Variants in ACBD6 observed in about 807,000 individuals in gnomAD.
ACBD6 encodes the protein acyl-CoA-binding domain-containing protein 6.
In ACBD6, 28 loss-of-function variants were observed where a neutral mutation model predicts 37.2. The observed-to-expected ratio is 0.75, with a 90% CI of 0.56 to 1.03. ACBD6 has a LOEUF of 1.03. Ranked by LOEUF, ACBD6 falls within the 50% of genes least tolerant of loss-of-function variation. ACBD6 has a pLI of 0.00. For synonymous variants in ACBD6, 113 were observed against 126.8 expected, an observed-to-expected ratio of 0.89 and a Z score of 0.73; for missense variants, 340 against 337.4, an observed-to-expected ratio of 1.01 and a Z score of -0.06.
At chr1:180,387,002 T>C (rs146977010) in intron 6 of ACBD6, among the ~76,000 whole-genome samples, 17 of 152,332 alleles carry the variant, frequency 1.1e-4, no homozygotes, top group African/African-American at 3.8e-4. Flanking sequence ...CTGTATTCTA[T>C]TTAAATCTTC....
In ACBD6 at chr1:180,271,668, C is replaced by T. The variant is rs954557223; in HGVS notation, c.*1557G>A. 4 of 1,350,230 alleles carry T rather than the reference C, an allele frequency of 3.0e-6. No individual in the cohort carries two copies. The African/African-American group carries it at 4.3e-5, about 15-fold the overall frequency. 83.6% of individuals were successfully genotyped at this position (1,350,230 alleles called of 1,614,324 possible). On this transcript the variant is annotated 3_prime_UTR_variant, in exon 14 of 14. Coordinates refer to the ACBD6 transcript ENST00000642319. ...CCAGGGCTTTTGCCAGAACTGAAGACAGAGTTCTGAGGCCCACCTGGGGAG... is the reference window on the plus strand; with the variant it reads ...CCAGGGCTTTTGCCAGAACTGAAGATAGAGTTCTGAGGCCCACCTGGGGAG...
Position 180,288,438 on chromosome 1 carries a change from G to C in ACBD6, c.774C>G (p.Gly258=). ...AGCCTGTCACCTCCTCTGGCAGGCA[G>C]CCATCCTGGTCTCGGAGAGTGGGGT... ...GADPTLRDQD[G]CLPEEVTGCK... is the part of the protein sequence containing the mutation. Residue 258 remains glycine (G), a synonymous_variant, in exon 8 of 8, where the codon GGC becomes GGG. Coordinates refer to ENST00000367595, the MANE Select transcript of ACBD6 (RefSeq NM_032360.4). 1 of 1,613,786 alleles carries C rather than the reference G, an allele frequency of 6.2e-7. No individual in the cohort carries two copies. The highest frequency in any genetic ancestry group is 8.5e-7 in the Non-Finnish European group (1 of 1,179,982).
intron 3 of ACBD6, among the ~76,000 whole-genome samples, chr1:180,438,894 C>T (rs543052041): frequency 3.9e-5 from 6 of 152,278 alleles, no homozygotes; most frequent in East Asian, 1.9e-4. Flanking sequence ...CTAAAAATCC[C>T]GTACTCTACC....
intron 9 of ACBD6, chr1:180,278,646 T>C (rs1649189497): frequency 6.6e-6 from 1 of 151,180 alleles, no homozygotes; most frequent in South Asian, 2.1e-4. Context: ...ACTTTCCCAC[T>C]TGAGGACTGT....
intron 3 of ACBD6, among the ~76,000 whole-genome samples, chr1:180,479,758 C>T (rs1055449146): frequency 2.0e-5 from 3 of 151,892 alleles, no homozygotes; most frequent in Admixed American, 6.6e-5. Flanking sequence ...GAGGCGGAGG[C>T]GGGTGGATTG....
At chr1:180,402,476 T>A (rs759231467) in intron 5 of ACBD6, among the ~76,000 whole-genome samples, 10 of 152,100 alleles carry the variant, frequency 6.6e-5, no homozygotes, top group Non-Finnish European at 1.5e-4. Context: ...TAGGGGAAAA[T>A]GGTGTTGCTT....
At chr1:180,307,598 T>C (rs1237729958) in intron 7 of ACBD6, among the ~76,000 whole-genome samples, 1 of 152,236 alleles carries the variant, frequency 6.6e-6, no homozygotes, top group Admixed American at 6.5e-5. Flanking sequence ...ATTGGATCCC[T>C]GTATCAAAGT....
At chr1:180,370,636 T>C (rs890054822) in intron 6 of ACBD6, among the ~76,000 whole-genome samples, 1 of 152,178 alleles carries the variant, frequency 6.6e-6, no homozygotes, top group Non-Finnish European at 1.5e-5. Flanking sequence ...TGTATTCACA[T>C]ATATCATTCT....
At chr1:180,288,651 GGTC>G in intron 7 of ACBD6, 134 bp from the exon 8 acceptor site, 1 of 1,076,098 alleles carries the variant, frequency 9.3e-7, no homozygotes, top group Non-Finnish European at 1.4e-6. Flanking sequence ...ACTGAAGGAT[GGTC>G]AGGCCTGGTA....
At chr1:180,471,519 A>C (rs879713995) in intron 3 of ACBD6, among the ~76,000 whole-genome samples, 2 of 152,146 alleles carry the variant, frequency 1.3e-5, no homozygotes, top group Non-Finnish European at 2.9e-5. Context: ...TTGGACTTAC[A>C]GTTCCACATG....
intron 3 of ACBD6, among the ~76,000 whole-genome samples, chr1:180,441,746 T>C (rs1020684460): frequency 1.3e-5 from 2 of 152,234 alleles, no homozygotes; most frequent in Admixed American, 6.5e-5. Flanking sequence ...CTTGTAACTT[T>C]GCTGAATTAA....
At chr1:180,440,050 TAGTTC>T (rs1171774401) in intron 3 of ACBD6, among the ~76,000 whole-genome samples, 2 of 152,186 alleles carry the variant, frequency 1.3e-5, no homozygotes, top group South Asian at 4.1e-4. Context: ...AAATTTACTA[TAGTTC>T]AGTTCAGTTG....
chr1:180,367,111 G>A (rs1653080771), intron 6 of ACBD6, among the ~76,000 whole-genome samples: 2 of 152,298 alleles, frequency 1.3e-5, no homozygotes, highest in Non-Finnish European at 2.9e-5. Context: ...GAATAGAAAC[G>A]TGATTAAAAT....
At chr1:180,425,270 CT>C (rs1368715098) in intron 4 of ACBD6, among the ~76,000 whole-genome samples, 2 of 152,212 alleles carry the variant, frequency 1.3e-5, no homozygotes, top group Non-Finnish European at 2.9e-5. Flanking sequence ...GTTTTACAGG[CT>C]GAATAAATCC....
At chr1:180,365,860 T>C (rs1455757970) in intron 6 of ACBD6, among the ~76,000 whole-genome samples, 3 of 152,204 alleles carry the variant, frequency 2.0e-5, no homozygotes, top group Admixed American at 1.3e-4. Flanking sequence ...GTCTTTTTTT[T>C]CTTATCTTTT....
chr1:180,501,014 A>G (rs1360667930), intron 1 of ACBD6, among the ~76,000 whole-genome samples: 1 of 152,164 alleles, frequency 6.6e-6, no homozygotes. Context: ...GTACCAACCA[A>G]TGTCACCCTG....
Position 180,430,195 on chromosome 1 carries a change from T to C in ACBD6, c.452A>G (p.His151Arg). ...FGGPVISSLY[H>R]EETIREEDKN... ...GAGAAATTACCTGATGGTTTCTTCA[T>C]GATATAGAGAACTAATAACTGGCCC... The change falls in exon 4 of 8, where the codon CAT becomes CGT. Residue 151 changes from histidine (H) to arginine (R), a missense_variant. Transcript: ENST00000367595. The C allele has an allele frequency of 6.2e-7, 1 of 1,613,082 alleles. No homozygotes were observed. The highest frequency in any genetic ancestry group is 8.5e-7 in the Non-Finnish European group (1 of 1,179,394).
chr1:180,313,798 G>A (rs1650685317), intron 7 of ACBD6, among the ~76,000 whole-genome samples: 2 of 152,016 alleles, frequency 1.3e-5, no homozygotes, highest in Non-Finnish European at 2.9e-5. Flanking sequence ...CCTGGTAGCT[G>A]GGACTACAGA....
chr1:180,493,134 G>A (rs1038555664), intron 2 of ACBD6, among the ~76,000 whole-genome samples: 1 of 151,010 alleles, frequency 6.6e-6, no homozygotes, highest in African/African-American at 2.4e-5. Context: ...CTGTAGTCCA[G>A]CTACTCTGGA....
Sources: gnomAD v4.1 joint callset for allele counts (sites outside exome capture counted in the v4.1 genomes callset) on GRCh38, gnomAD v4.1.1 for gene constraint, MANE v1.5 for transcripts, NCBI Gene and HGNC (gene_info 2026-07-23, HGNC 2026-07-21) for gene names.